RUSC1: variants seen among roughly 807,000 people sequenced by gnomAD.
RUSC1 encodes RUN and SH3 domain containing 1, also known as AP-4 complex accessory subunit RUSC1.
A neutral mutation model predicts 72.1 loss-of-function variants in RUSC1; 40 were observed. The ratio of observed to expected loss-of-function variants is 0.55; its 90% CI spans 0.43 to 0.72. The LOEUF (loss-of-function observed/expected upper bound fraction) is 0.72. Among genes scored for constraint, RUSC1 ranks in the 30% least tolerant of loss-of-function variants. The pLI is 0.00. For missense variants in RUSC1, 1,092 were observed against 1,172.3 expected (o/e 0.93, Z 1.00); for synonymous variants, 512 against 494.2 (o/e 1.04, Z -0.48).
Position 155,321,830 on chromosome 1 carries a change from C to G in RUSC1, c.57C>G (p.His19Gln). The G allele has an allele frequency of 3.1e-6, 5 of 1,613,920 alleles. No individual in the cohort carries two copies. Among genetic ancestry groups the G allele is most frequent in the Admixed American group, 1.7e-5 (1 of 60,030 alleles). ...LCNLNHIHLQ[H>Q]VSLGLHLSRR... ...ACCTCAACCACATCCACCTCCAGCA[C>G]GTCTCCCTGGGCCTGCACTTGTCCC... is the stretch of plus-strand genomic sequence containing the variant. Residue 19 changes from histidine to glutamine, a missense_variant, in exon 2 of 10, where the codon CAC becomes CAG. His to Gln is a conservative substitution (Grantham distance 24). Transcript: ENST00000368352.
Position 155,326,487 on chromosome 1 carries a change from C to T in RUSC1, c.1862-93C>T. 7.7e-7 allele frequency: 1 copy of T among 1,304,128 alleles called. No individual in the cohort carries two copies. The highest frequency in any genetic ancestry group is 1.4e-5 in the South Asian group (1 of 72,992). The allele number at this position is 1,304,128 out of a possible 1,614,324, so 80.8% of individuals were successfully genotyped here. ...GCCCCAGTGCCCAGCAGAGTGAGGC[C>T]TGGGAAGATGTGTGCTGACTGGTGG... On this transcript the variant is annotated intron_variant, in intron 7 of 9. Coordinates refer to ENST00000368352, the MANE Select transcript of RUSC1 (RefSeq NM_001105203.2). This position sits in a 1 kb window ranked among gnomAD's most constrained non-coding sequence, Gnocchi z 4.7.
rs1196695230 is a variant in RUSC1 at position 155,320,901 on chromosome 1, T to G, written c.-177T>G. 2 of 1,594,250 alleles carry G rather than the reference T, an allele frequency of 1.3e-6. No homozygotes were observed. Among genetic ancestry groups the G allele is most frequent in the Non-Finnish European group, 8.5e-7 (1 of 1,170,764 alleles). ...CGCAGCGCAGGGTAGGTTGTGCTAG[T>G]GCCCCTCCCCTCCCGCTCTGTGCCC... On this transcript the variant is annotated 5_prime_UTR_variant, in exon 1 of 10. Transcript: ENST00000368352.
intron 2 of RUSC1, chr1:155,324,552 C>G: frequency 6.3e-7 from 1 of 1,584,692 alleles, no homozygotes; most frequent in South Asian, 1.1e-5. Context: ...GAGGTGAGCG[C>G]GGCCATCCCG....
chr1:155,321,155 G>A, intron 1 of RUSC1, 164 bp downstream of exon 1: 1 of 1,376,428 alleles, frequency 7.3e-7, no homozygotes, highest in Non-Finnish European at 9.7e-7. Flanking sequence ...AGGGGCGAGG[G>A]CGCAGGCTGG....
chr1:155,330,079 G>A (rs1198047921), intron 9 of RUSC1, among the ~76,000 whole-genome samples: 1 of 152,038 alleles, frequency 6.6e-6, no homozygotes, highest in Non-Finnish European at 1.5e-5. Flanking sequence ...AGTGTGGGGA[G>A]AAAGTGGTGC....
chr1:155,324,984 C>A, intron 3 of RUSC1, 41 bp downstream of exon 3: 1 of 1,614,008 alleles, frequency 6.2e-7, no homozygotes, highest in Non-Finnish European at 8.5e-7. Context: ...TCCGAATAAA[C>A]TGCCCTTCGC....
In RUSC1 at chr1:155,322,562, C is replaced by T; in HGVS notation, c.789C>T (p.Asn263=). The T allele has an allele frequency of 6.2e-7, 1 of 1,614,240 alleles. No individual in the cohort carries two copies. The highest frequency in any genetic ancestry group is 8.5e-7 in the Non-Finnish European group (1 of 1,180,042). The change falls in exon 2 of 10, where the codon AAC becomes AAT. Residue 263 remains asparagine, a synonymous_variant. Transcript: ENST00000368352. ...GTTGGAAAAACAACGGGAATGTTAA[C>T]TCTAGCTGGAAAAGTGAACCTGAAA... ...NTGWKNNGNV[N]SSWKSEPEKF...
chr1:155,324,215 C>T, intron 2 of RUSC1: 3 of 1,420,566 alleles, frequency 2.1e-6, no homozygotes, highest in Non-Finnish European at 2.8e-6. Context: ...GAGGGTGAAG[C>T]TCCCGGGAGC....
At chr1:155,321,136 G>A (rs776030779) in intron 1 of RUSC1, 145 bp downstream of exon 1, 38 of 1,379,116 alleles carry the variant, frequency 2.8e-5, no homozygotes, top group Middle Eastern at 2.1e-4. Flanking sequence ...TGGACATACC[G>A]CTGTTCCGAG....
chr1:155,324,785 C>T, intron 2 of RUSC1, 60 bp from the exon 3 acceptor site: 1 of 1,611,730 alleles, frequency 6.2e-7, no homozygotes, highest in Non-Finnish European at 8.5e-7. Context: ...TGTGCGGGAG[C>T]CCGGAGTCCT....
Position 155,325,116 on chromosome 1 carries a change from GTC to G in RUSC1, c.1472_1473del (p.Val491GlufsTer5). 6.2e-7 allele frequency: 1 copy of G among 1,614,256 alleles called. No homozygotes were observed. Among genetic ancestry groups the G allele is most frequent in the Non-Finnish European group, 8.5e-7 (1 of 1,180,050 alleles). The stretch of plus-strand genomic sequence containing the variant: ...ACTCCTCCCAGGTCTTCTGATAGCC[GTC>G]AGCGTCTCCGTTGATAAAATCATCT... ...QEQKKGLLIA[V>X]SVSVDKIISH... On this transcript the variant is annotated frameshift_variant, in exon 4 of 10. Transcript: ENST00000368352. LOFTEE classifies it high-confidence loss of function. The surrounding 1 kb of genome is among the most constrained non-coding windows in gnomAD (Gnocchi z 6.5).
Sources: gnomAD v4.1 joint callset for allele counts (sites outside exome capture counted in the v4.1 genomes callset) on GRCh38, gnomAD v4.1.1 for gene constraint, Gnocchi (gnomAD v3.1) non-coding constraint, MANE v1.5 for transcripts, NCBI Gene and HGNC (gene_info 2026-07-23, HGNC 2026-07-21) for gene names.